CNTN1: variants seen among roughly 807,000 people sequenced by gnomAD.
The protein encoded by CNTN1 is contactin-1.
Under a neutral mutation model 126.4 loss-of-function variants are expected in CNTN1, and 38 were observed. The observed-to-expected ratio is 0.30, with a 90% CI of 0.23 to 0.39. CNTN1 has a LOEUF of 0.39. Among genes scored for constraint, CNTN1 ranks in the 10% least tolerant of loss-of-function variants. CNTN1 has a pLI of 1.00. For synonymous variants in CNTN1, 413 were observed against 422.6 expected, an observed-to-expected ratio of 0.98 and a Z score of 0.28; for missense variants, 1,009 against 1,248.4, an observed-to-expected ratio of 0.81 and a Z score of 2.89.
At chr12:40,950,524 C>G (rs1294884553) in intron 14 of CNTN1, among the ~76,000 whole-genome samples, 1 of 152,090 alleles carries the variant, frequency 6.6e-6, no homozygotes, top group Admixed American at 6.6e-5. Flanking sequence ...TATACAGGCT[C>G]CTGGCACAGT....
chr12:40,895,843 C>T (rs1422044136), intron 1 of CNTN1: 1 of 150,876 alleles, frequency 6.6e-6, no homozygotes, highest in Non-Finnish European at 1.5e-5. Flanking sequence ...CTGCAAGCTC[C>T]GCCTCCCGGG....
intron 1 of CNTN1, among the ~76,000 whole-genome samples, chr12:40,749,976 A>G (rs1045276037): frequency 3.3e-5 from 5 of 152,108 alleles, no homozygotes; most frequent in Non-Finnish European, 2.9e-5. Context: ...ACTAGTCCCT[A>G]TAAGATGAGA....
intron 1 of CNTN1, among the ~76,000 whole-genome samples, chr12:40,858,441 T>C (rs1393289459): frequency 6.6e-6 from 1 of 152,016 alleles, no homozygotes; most frequent in Non-Finnish European, 1.5e-5. Context: ...AAAACCACAA[T>C]GAGATACCAT....
intron 14 of CNTN1, among the ~76,000 whole-genome samples, chr12:40,951,639 G>C (rs1440741078): frequency 6.7e-6 from 1 of 148,566 alleles, no homozygotes; most frequent in African/African-American, 2.5e-5. Context: ...AACCCAGGAG[G>C]TGGAGGTTGC....
Position 40,707,066 on chromosome 12 carries a change from A to G in CNTN1, c.-77+14474A>G, listed in dbSNP as rs1358167248. On this transcript the variant is annotated intron_variant, in intron 1 of 23. Transcript: ENST00000551295. ...CTTGCGCACACACACACACACACACACACACACACACACACACACACACCC... is the reference window on the plus strand; with the variant it reads ...CTTGCGCACACACACACACACACACGCACACACACACACACACACACACCC... Among the ~76,000 whole-genome samples, 1,343 of 150,510 alleles carry G rather than the reference A, an allele frequency of 8.9e-3. 8 individuals carry two copies. The highest frequency in any genetic ancestry group is 0.024 in the Middle Eastern group (7 of 290).
intron 1 of CNTN1, among the ~76,000 whole-genome samples, chr12:40,848,824 TG>T (rs1275498351): frequency 3.8e-5 from 4 of 103,958 alleles, no homozygotes; most frequent in African/African-American, 1.1e-4. Flanking sequence ...GCACCAGGTG[TG>T]TTTTTTTTTT....
At chr12:40,782,165 G>A (rs1296354224) in intron 1 of CNTN1, among the ~76,000 whole-genome samples, 1 of 151,712 alleles carries the variant, frequency 6.6e-6, no homozygotes, top group African/African-American at 2.4e-5. Context: ...TAATAGTGTT[G>A]TACATCATAA....
chr12:40,861,042 C>T (rs1943101133), intron 1 of CNTN1, among the ~76,000 whole-genome samples: 1 of 152,034 alleles, frequency 6.6e-6, no homozygotes, highest in African/African-American at 2.4e-5. Flanking sequence ...TCTATGTTAC[C>T]ACTCAGGGTA....
At chr12:40,771,935 A>T (rs1295880095) in intron 1 of CNTN1, among the ~76,000 whole-genome samples, 1 of 152,020 alleles carries the variant, frequency 6.6e-6, no homozygotes, top group Non-Finnish European at 1.5e-5. Flanking sequence ...TGGACAGAAC[A>T]CATGGCAAGT....
chr12:41,059,869 A>G (rs1159134447), intron 23 of CNTN1, among the ~76,000 whole-genome samples: 4 of 152,084 alleles, frequency 2.6e-5, no homozygotes, highest in East Asian at 1.9e-4. Flanking sequence ...TACGAAAAAT[A>G]TAAAAACTTA....
intron 1 of CNTN1, among the ~76,000 whole-genome samples, chr12:40,832,537 G>A (rs1055759024): frequency 4.6e-5 from 7 of 152,140 alleles, no homozygotes; most frequent in Admixed American, 2.6e-4. Context: ...ATCTAGGTTT[G>A]CGTTAAGTAC....
At chr12:40,720,250 CA>C (rs1182075492) in intron 1 of CNTN1, among the ~76,000 whole-genome samples, 1 of 151,988 alleles carries the variant, frequency 6.6e-6, no homozygotes, top group Non-Finnish European at 1.5e-5. Context: ...ATGTTAGAAT[CA>C]AAAGAGTAAG....
At chr12:40,843,850 G>C (rs1382517711) in intron 1 of CNTN1, among the ~76,000 whole-genome samples, 1 of 151,978 alleles carries the variant, frequency 6.6e-6, no homozygotes, top group Admixed American at 6.6e-5. Context: ...TGTTAAATAC[G>C]TGGGAAATCC....
At chr12:40,926,171 GGATA>G (rs56862813) in intron 6 of CNTN1, among the ~76,000 whole-genome samples, 9,379 of 137,562 alleles carry the variant, frequency 0.068, 338 homozygotes, top group African/African-American at 0.074. Flanking sequence ...TGCTAAATAA[GGATA>G]GATAGATAGA....
chr12:40,829,450 C>G (rs12578583), intron 1 of CNTN1, among the ~76,000 whole-genome samples: 14,782 of 151,252 alleles, frequency 0.098, 864 homozygotes, highest in Non-Finnish European at 0.13. Flanking sequence ...CTATCAAGAC[C>G]AAGAATAGAT....
At chr12:40,872,571 C>CTTTTTTTTTTTT (rs35866838) in intron 1 of CNTN1, among the ~76,000 whole-genome samples, 8 of 108,618 alleles carry the variant, frequency 7.4e-5, no homozygotes, top group Non-Finnish European at 1.2e-4. Flanking sequence ...TTTTTTCTTT[C>CTTTTTTTTTTTT]TTTTTTTTTT....
chr12:40,813,051 CTTT>C (rs1941134049), intron 1 of CNTN1, among the ~76,000 whole-genome samples: 2 of 111,832 alleles, frequency 1.8e-5, no homozygotes, highest in African/African-American at 6.7e-5. Flanking sequence ...TTCTTTCTTT[CTTT>C]CTTTCTTCCT....
At chr12:40,773,251 C>A (rs551749741) in intron 1 of CNTN1, among the ~76,000 whole-genome samples, 1 of 151,838 alleles carries the variant, frequency 6.6e-6, no homozygotes, top group East Asian at 1.9e-4. Context: ...TGATAAAACA[C>A]TCTATGTAAG....
chr12:40,817,790 G>A (rs1941308661), intron 1 of CNTN1, among the ~76,000 whole-genome samples: 1 of 152,024 alleles, frequency 6.6e-6, no homozygotes, highest in South Asian at 2.1e-4. Context: ...GTGTGTTTTT[G>A]CAGTGGCTGG....
Sources: gnomAD v4.1 joint callset for allele counts (sites outside exome capture counted in the v4.1 genomes callset) on GRCh38, gnomAD v4.1.1 for gene constraint, MANE v1.5 for transcripts, NCBI Gene and HGNC (gene_info 2026-07-23, HGNC 2026-07-21) for gene names.